The following PIK3C3 variants were observed in gnomAD, a reference collection of about 807,000 sequenced individuals.
The protein encoded by PIK3C3 is phosphatidylinositol 3-kinase catalytic subunit type 3.
A neutral mutation model predicts 126.1 loss-of-function variants in PIK3C3; 95 were observed. That is an observed-to-expected ratio of 0.75 (90% CI 0.64 to 0.89). PIK3C3 has a LOEUF of 0.89. PIK3C3 is among the 40% of genes least tolerant of loss of function. The probability of loss-of-function intolerance (pLI) is 0.00; values close to 1 mark genes in which losing one functional copy is unlikely to be tolerated. For synonymous variants in PIK3C3, 374 were observed against 360.0 expected (o/e 1.04, Z -0.44); for missense variants, 829 against 1,063.2 (o/e 0.78, Z 3.06).
chr18:42,028,227 TA>T (rs60996133), intron 14 of PIK3C3, among the ~76,000 whole-genome samples: 6,807 of 152,092 alleles, frequency 0.045, 496 homozygotes, highest in African/African-American at 0.15. Context: ...TGCATGGAAT[TA>T]AAAAAAAGCT....
intron 12 of PIK3C3, among the ~76,000 whole-genome samples, chr18:42,019,404 A>G (rs796134614): frequency 3.9e-5 from 6 of 152,288 alleles, no homozygotes; most frequent in African/African-American, 1.4e-4. Context: ...TCTTGCTTAA[A>G]ACCCAATTTG....
chr18:42,055,718 A>G (rs1306678136), intron 21 of PIK3C3, among the ~76,000 whole-genome samples: 1 of 152,146 alleles, frequency 6.6e-6, no homozygotes, highest in African/African-American at 2.4e-5. Context: ...AAAGTCAAGT[A>G]GAAGGAGGAG....
At chr18:42,040,281 G>T (rs1984251497) in intron 18 of PIK3C3, among the ~76,000 whole-genome samples, 1 of 151,142 alleles carries the variant, frequency 6.6e-6, no homozygotes, top group African/African-American at 2.4e-5. Context: ...AGCTTTTAGG[G>T]TTAGGTAATT....
At chr18:42,047,060 C>A (rs956429347) in intron 20 of PIK3C3, among the ~76,000 whole-genome samples, 1 of 152,090 alleles carries the variant, frequency 6.6e-6, no homozygotes, top group Non-Finnish European at 1.5e-5. Context: ...AAGCATAATT[C>A]ATGTATATCC....
chr18:42,024,812 T>C (rs1029297647), intron 13 of PIK3C3, among the ~76,000 whole-genome samples: 3 of 151,054 alleles, frequency 2.0e-5, no homozygotes, highest in African/African-American at 7.3e-5. Flanking sequence ...CTTTTTTTTT[T>C]CTTTTTTTTG....
At chr18:41,986,031 G>A (rs635560) in intron 4 of PIK3C3, among the ~76,000 whole-genome samples, 12,625 of 152,004 alleles carry the variant, frequency 0.083, 1,712 homozygotes, top group African/African-American at 0.28. Flanking sequence ...ACTAATATTC[G>A]AGAAACGACA....
At chr18:41,956,498 T>C (rs1979779220) in intron 1 of PIK3C3, among the ~76,000 whole-genome samples, 1 of 152,072 alleles carries the variant, frequency 6.6e-6, no homozygotes, top group Non-Finnish European at 1.5e-5. Context: ...AATGCATTTT[T>C]TGAAATGTTT....
chr18:42,026,082 T>G (rs1983554045), intron 13 of PIK3C3: 1 of 152,206 alleles, frequency 6.6e-6, no homozygotes. Flanking sequence ...TCGAAAAGTT[T>G]CACATGTGTT....
intron 21 of PIK3C3, among the ~76,000 whole-genome samples, chr18:42,054,604 C>G (rs1482216072): frequency 6.6e-6 from 1 of 152,018 alleles, no homozygotes; most frequent in African/African-American, 2.4e-5. Context: ...CTGTATTATT[C>G]TTTAATTTTA....
intron 12 of PIK3C3, among the ~76,000 whole-genome samples, chr18:42,018,631 G>A (rs531535881): frequency 2.0e-5 from 3 of 151,986 alleles, no homozygotes; most frequent in African/African-American, 7.2e-5. Context: ...CTTATTACTC[G>A]GACTTTACTT....
chr18:42,057,734 C>A, intron 21 of PIK3C3, 149 bp from the exon 22 acceptor site: 1 of 659,318 alleles, frequency 1.5e-6, no homozygotes, highest in Non-Finnish European at 2.5e-6. Context: ...CTCAAACCTG[C>A]AGTTAGAAAT....
chr18:42,004,947 G>A (rs1982471872), intron 10 of PIK3C3, among the ~76,000 whole-genome samples: 1 of 152,046 alleles, frequency 6.6e-6, no homozygotes, highest in South Asian at 2.1e-4. Context: ...AAAGCCCTTG[G>A]GGCCTTTAAA....
At chr18:42,068,949 CAAAAAAA>C (rs35657662) in intron 24 of PIK3C3, among the ~76,000 whole-genome samples, 7 of 82,246 alleles carry the variant, frequency 8.5e-5, no homozygotes, top group African/African-American at 3.2e-4. Context: ...GACTCCGTCT[CAAAAAAA>C]AAAAAAAAAA....
intron 4 of PIK3C3, among the ~76,000 whole-genome samples, chr18:41,985,601 A>G (rs1480702630): frequency 2.0e-5 from 3 of 152,134 alleles, no homozygotes; most frequent in Non-Finnish European, 2.9e-5. Flanking sequence ...AGTTCTCACT[A>G]TTGATGAACA....
chr18:42,014,900 A>G (rs116898062), intron 11 of PIK3C3, among the ~76,000 whole-genome samples: 1,806 of 152,258 alleles, frequency 0.012, 8 homozygotes, highest in Non-Finnish European at 0.02. Context: ...GATGCTCTTT[A>G]TATTTTATCT....
At chr18:42,028,480 G>A (rs1240477802) in intron 14 of PIK3C3, among the ~76,000 whole-genome samples, 2 of 152,206 alleles carry the variant, frequency 1.3e-5, no homozygotes, top group African/African-American at 4.8e-5. Flanking sequence ...GTGGCTTGCC[G>A]CAGAAATAGT....
rs1365578017 is a variant in PIK3C3, at chr18:42,085,010, C to G, written c.*3873C>G. The G allele has an allele frequency of 1.3e-5, 2 of 152,188 alleles. No individual in the cohort carries two copies. Among genetic ancestry groups the G allele is most frequent in the Non-Finnish European group, 2.9e-5 (2 of 68,028 alleles). The allele number at this position is 152,188 out of a possible 1,614,324, so 9.4% of individuals were successfully genotyped here. On this transcript the variant is annotated 3_prime_UTR_variant, in exon 25 of 25. Transcript: ENST00000262039. ...TTGAGGCTCTGTTACGCTGGTCATC[C>G]AACCCAACCAGGTATCTCTTGTTAT...
intron 21 of PIK3C3, among the ~76,000 whole-genome samples, chr18:42,055,672 A>T (rs1035739392): frequency 6.6e-6 from 1 of 152,088 alleles, no homozygotes; most frequent in African/African-American, 2.4e-5. Context: ...TGGAATCTTT[A>T]AATAATAGAG....
intron 20 of PIK3C3, among the ~76,000 whole-genome samples, chr18:42,048,491 C>T (rs1266604697): frequency 6.6e-6 from 1 of 152,106 alleles, no homozygotes; most frequent in Non-Finnish European, 1.5e-5. Context: ...TTCTTGGAGC[C>T]TGAAGTTTTT....
Sources: gnomAD v4.1 joint callset for allele counts (sites outside exome capture counted in the v4.1 genomes callset) on GRCh38, gnomAD v4.1.1 for gene constraint, MANE v1.5 for transcripts, NCBI Gene and HGNC (gene_info 2026-07-23, HGNC 2026-07-21) for gene names.